Variants in PHKB observed in about 807,000 individuals in gnomAD.
PHKB encodes the protein phosphorylase kinase regulatory subunit beta, also known as phosphorylase b kinase regulatory subunit beta.
In PHKB, 122 loss-of-function variants were observed where a neutral mutation model predicts 152.1. That is an observed-to-expected ratio of 0.80 (90% confidence interval 0.69 to 0.93). The LOEUF is 0.93. PHKB is among the 40% of genes least tolerant of loss of function. PHKB has a pLI of 0.00. For synonymous variants in PHKB, 436 were observed against 464.9 expected (o/e 0.94, Z 0.80); for missense variants, 1,304 against 1,328.4 (o/e 0.98, Z 0.29).
intron 7 of PHKB, among the ~76,000 whole-genome samples, chr16:47,551,830 A>G (rs1444328515): frequency 6.6e-6 from 1 of 152,136 alleles, no homozygotes; most frequent in African/African-American, 2.4e-5. Context: ...GTCTTCCACT[A>G]TTATTGTGTG....
At chr16:47,540,538 G>T (rs1215106538) in intron 6 of PHKB, among the ~76,000 whole-genome samples, 4 of 151,786 alleles carry the variant, frequency 2.6e-5, no homozygotes, top group Admixed American at 2.6e-4. Context: ...GGGCATCATG[G>T]TCCTACCGAT....
At chr16:47,536,454 T>C (rs1216696822) in intron 6 of PHKB, among the ~76,000 whole-genome samples, 1 of 152,228 alleles carries the variant, frequency 6.6e-6, no homozygotes, top group African/African-American at 2.4e-5. Context: ...GAAGTTTACA[T>C]TTCTGAGCTC....
chr16:47,584,107 T>C (rs1200142210), intron 8 of PHKB, among the ~76,000 whole-genome samples: 2 of 152,058 alleles, frequency 1.3e-5, no homozygotes, highest in Non-Finnish European at 2.9e-5. Context: ...TCCAAATTTA[T>C]TTTTCTTTGG....
At chr16:47,643,488 A>T (rs377221638) in intron 16 of PHKB, among the ~76,000 whole-genome samples, 1 of 152,224 alleles carries the variant, frequency 6.6e-6, no homozygotes, top group Non-Finnish European at 1.5e-5. Flanking sequence ...TTAACAAATG[A>T]CTTGCAATTT....
chr16:47,673,129 A>AT (rs55724316), intron 26 of PHKB, among the ~76,000 whole-genome samples: 10,282 of 147,266 alleles, frequency 0.07, 570 homozygotes, highest in African/African-American at 0.15. Context: ...GCAATCTGGT[A>AT]TTTTTTTTTT....
intron 6 of PHKB, among the ~76,000 whole-genome samples, chr16:47,546,788 A>T (rs973847536): frequency 3.3e-5 from 5 of 151,464 alleles, no homozygotes; most frequent in Admixed American, 2.0e-4. Context: ...TGCTTTGTTT[A>T]CCTACTCAAG....
chr16:47,592,356 G>T (rs767403352), intron 10 of PHKB, among the ~76,000 whole-genome samples: 11 of 152,190 alleles, frequency 7.2e-5, no homozygotes, highest in African/African-American at 2.4e-4. Context: ...GGCCCTTCCC[G>T]ATCTGGCTGG....
chr16:47,464,551 C>T (rs1829991195), intron 1 of PHKB, among the ~76,000 whole-genome samples: 1 of 152,044 alleles, frequency 6.6e-6, no homozygotes. Flanking sequence ...GTTGATGCAC[C>T]CCTTTGAGAG....
chr16:47,514,539 TG>T (rs1197080934), intron 5 of PHKB, among the ~76,000 whole-genome samples: 1 of 152,224 alleles, frequency 6.6e-6, no homozygotes, highest in Admixed American at 6.5e-5. Context: ...TTGTTCCATC[TG>T]GGTGGCCCCC....
intron 16 of PHKB, among the ~76,000 whole-genome samples, chr16:47,644,120 G>A (rs143679417): frequency 1.3e-5 from 2 of 152,096 alleles, no homozygotes; most frequent in African/African-American, 2.4e-5. Flanking sequence ...TTTAAAGGAC[G>A]CCCACCTAGA....
chr16:47,513,978 T>C (rs1970552999), intron 5 of PHKB, among the ~76,000 whole-genome samples: 2 of 152,180 alleles, frequency 1.3e-5, no homozygotes, highest in Admixed American at 6.5e-5. Flanking sequence ...GAAAGAAACA[T>C]TGTACCCATT....
In PHKB at chr16:47,598,735, A is replaced by C. The variant is rs1346077331; in HGVS notation, c.1363+2204A>C. 12 of 1,583,678 alleles carry C rather than the reference A, an allele frequency of 7.6e-6. No individual in the cohort carries two copies. In the East Asian group the frequency reaches 2.2e-4, roughly 30 times the overall value. On this transcript the variant is annotated intron_variant, in intron 13 of 30. Coordinates refer to ENST00000323584, the MANE Select transcript of PHKB (RefSeq NM_000293.3). ...TTTCCACTCCCTCATTTTTCTTGCC[A>C]GATTTAGTTCATGTTCAGCCTAAAG...
At chr16:47,693,234 C>T (rs955933701) in intron 27 of PHKB, 144 bp from the exon 28 acceptor site, 1 of 781,068 alleles carries the variant, frequency 1.3e-6, no homozygotes, top group Non-Finnish European at 2.2e-6. Flanking sequence ...TTACTAGCCT[C>T]TGTAACACAC....
intron 1 of PHKB, among the ~76,000 whole-genome samples, chr16:47,481,120 G>A (rs1409432711): frequency 6.6e-6 from 1 of 152,124 alleles, no homozygotes; most frequent in Non-Finnish European, 1.5e-5. Flanking sequence ...CTCCCACAGA[G>A]ACAGCATGGT....
At chr16:47,629,696 A>T (rs541287401) in intron 14 of PHKB, among the ~76,000 whole-genome samples, 9 of 152,312 alleles carry the variant, frequency 5.9e-5, no homozygotes, top group Admixed American at 2.6e-4. Context: ...AGGATTATAA[A>T]TCATGCTGCT....
chr16:47,648,294 C>T (rs1973170707), intron 16 of PHKB, among the ~76,000 whole-genome samples: 2 of 152,044 alleles, frequency 1.3e-5, no homozygotes, highest in South Asian at 4.1e-4. Flanking sequence ...AGTATAGGAA[C>T]AATATCAAAT....
At chr16:47,587,139 A>G (rs983541382) in intron 8 of PHKB, among the ~76,000 whole-genome samples, 1 of 152,208 alleles carries the variant, frequency 6.6e-6, no homozygotes, top group East Asian at 1.9e-4. Flanking sequence ...CATGTGACAC[A>G]TAAAGCATAG....
chr16:47,536,284 C>A (rs192615806), intron 6 of PHKB, among the ~76,000 whole-genome samples: 3 of 152,290 alleles, frequency 2.0e-5, no homozygotes, highest in South Asian at 4.1e-4. Context: ...CTTCTGACCT[C>A]AGGTGATCCG....
intron 6 of PHKB, among the ~76,000 whole-genome samples, chr16:47,520,969 T>C (rs1970675507): frequency 6.6e-6 from 1 of 152,164 alleles, no homozygotes; most frequent in Non-Finnish European, 1.5e-5. Context: ...TAATACATTA[T>C]TCTTTCATTC....
Sources: allele counts gnomAD v4.1 joint callset (sites outside exome capture counted in the v4.1 genomes callset), GRCh38; gene constraint gnomAD v4.1.1; transcripts MANE v1.5; gene names NCBI Gene and HGNC (gene_info 2026-07-23, HGNC 2026-07-21).